The following MDN1 variants were observed in gnomAD, a reference collection of about 807,000 sequenced individuals.
MDN1 encodes midasin.
MDN1 carries 266 observed loss-of-function variants against 669.2 expected under a neutral mutation model. The observed-to-expected ratio is 0.40, with a 90% CI of 0.36 to 0.44. The LOEUF (loss-of-function observed/expected upper bound fraction) is 0.44. Ranked by LOEUF, MDN1 falls within the 20% of genes least tolerant of loss-of-function variation. The pLI, the probability that MDN1 is intolerant of heterozygous loss-of-function variation, is 1.00. For synonymous variants in MDN1, 2,385 were observed against 2,457.1 expected, an observed-to-expected ratio of 0.97 and a Z score of 0.87; for missense variants, 5,940 against 6,754.0, an observed-to-expected ratio of 0.88 and a Z score of 4.22.
intron 61 of MDN1, 115 bp from the exon 62 acceptor site, chr6:89,694,298 G>A (rs1364438259): frequency 2.5e-6 from 2 of 803,420 alleles, no homozygotes; most frequent in Non-Finnish European, 4.2e-6. Flanking sequence ...GTTCCTGAAT[G>A]ACCCAAGGAG....
intron 8 of MDN1, among the ~76,000 whole-genome samples, chr6:89,786,812 C>T (rs1267376966): frequency 1.3e-5 from 2 of 150,546 alleles, no homozygotes; most frequent in African/African-American, 4.9e-5. Flanking sequence ...GTAATCCCAG[C>T]TACCTGGCAG....
intron 40 of MDN1, among the ~76,000 whole-genome samples, chr6:89,720,973 A>G (rs2128313488): frequency 6.6e-6 from 1 of 152,288 alleles, no homozygotes; most frequent in East Asian, 1.9e-4. Context: ...CATCTCTATT[A>G]AAAGTAAAAA....
Position 89,671,075 on chromosome 6 carries a change from G to A in MDN1, c.13800C>T (p.Phe4600=), listed in dbSNP as rs972619296. ...EDGTAAKHLF[F]SQSCSLLVRL... is the part of the protein sequence containing the mutation. ...GCACCAGCAAGGAACAGGATTGGCT[G>A]AAGAACTGAGACCAAAACAAAACAA... is the stretch of plus-strand genomic sequence containing the variant. The change falls in exon 83 of 102, where the codon TTC becomes TTT. Residue 4600 remains phenylalanine, a synonymous_variant. Transcript: ENST00000369393. 2.5e-6 allele frequency: 4 copies of A among 1,613,432 alleles called. No homozygotes were observed. The African/African-American group carries it at 5.3e-5, about 22-fold the overall frequency.
At chr6:89,776,470 A>G in intron 12 of MDN1, 130 bp downstream of exon 12, 1 of 653,342 alleles carries the variant, frequency 1.5e-6, no homozygotes, top group Non-Finnish European at 2.6e-6. Flanking sequence ...GGCTGCAATA[A>G]AAGCACCAAC....
At chr6:89,797,408 A>T (rs1387908562) in intron 2 of MDN1, among the ~76,000 whole-genome samples, 1 of 152,008 alleles carries the variant, frequency 6.6e-6, no homozygotes, top group African/African-American at 2.4e-5. Context: ...ATCTTAAAAA[A>T]TTGTGTACAA....
At chr6:89,802,751 C>T (rs1235848338) in intron 2 of MDN1, among the ~76,000 whole-genome samples, 2 of 152,064 alleles carry the variant, frequency 1.3e-5, no homozygotes, top group Non-Finnish European at 2.9e-5. Flanking sequence ...ATCATTTTTA[C>T]AGTGAAAGTT....
chr6:89,665,025 A>C (rs1441871403), intron 84 of MDN1, among the ~76,000 whole-genome samples: 1 of 152,082 alleles, frequency 6.6e-6, no homozygotes, highest in African/African-American at 2.4e-5. Flanking sequence ...TTTCTTCTAT[A>C]AAAAATTATT....
At position 89,645,140 on chromosome 6, in the gene MDN1, G is replaced by C; in HGVS notation, c.16477C>G (p.Leu5493Val). The part of the protein sequence containing the change: ...NISSETAQLL[L>V]VVSDGRGLFL... ...AGGCCTCGCCCATCAGAGACTACCA[G>C]GAGGAGTTGTGCAGTTTCTGTAGAC... Residue 5493 changes from leucine (L) to valine (V), a missense_variant, in exon 101 of 102, where the codon CTG (leucine) becomes GTG (valine). Transcript: ENST00000369393. The C allele has an allele frequency of 6.2e-7, 1 of 1,607,072 alleles. No individual in the cohort carries two copies. The highest frequency in any genetic ancestry group is 1.1e-5 in the South Asian group (1 of 90,902).
chr6:89,650,610 G>A (rs1808781928), intron 96 of MDN1, 122 bp downstream of exon 96: 1 of 718,810 alleles, frequency 1.4e-6, no homozygotes, highest in East Asian at 2.6e-5. Context: ...ACTGGTGCCT[G>A]TACGGCACAA....
At chr6:89,682,115 T>G (rs1056422350) in intron 73 of MDN1, among the ~76,000 whole-genome samples, 1 of 152,208 alleles carries the variant, frequency 6.6e-6, no homozygotes, top group African/African-American at 2.4e-5. Context: ...GTGCTTGAAA[T>G]TGGCCATAAT....
At chr6:89,812,231 A>G (rs183690798) in intron 1 of MDN1, among the ~76,000 whole-genome samples, 389 of 151,850 alleles carry the variant, frequency 2.6e-3, no homozygotes, top group Non-Finnish European at 4.5e-3. Flanking sequence ...TGATTCGCCC[A>G]CCTTGGCCCC....
At chr6:89,644,863 C>T in intron 101 of MDN1, 152 bp downstream of exon 101, 1 of 772,644 alleles carries the variant, frequency 1.3e-6, no homozygotes, top group Non-Finnish European at 2.0e-6. Context: ...AGAGAAAATA[C>T]TTACAAGTGC....
chr6:89,799,365 A>T (rs1279373920), intron 2 of MDN1, among the ~76,000 whole-genome samples: 1 of 152,280 alleles, frequency 6.6e-6, no homozygotes, highest in Non-Finnish European at 1.5e-5. Context: ...GCTAAAATGC[A>T]ATCCAAATAA....
intron 22 of MDN1, among the ~76,000 whole-genome samples, chr6:89,753,132 A>C (rs1031475684): frequency 3.3e-5 from 5 of 152,094 alleles, no homozygotes; most frequent in South Asian, 4.2e-4. Flanking sequence ...GCAAAAAAAA[A>C]CAAAACAAAA....
At chr6:89,727,282 C>A (rs1337603486) in intron 37 of MDN1, among the ~76,000 whole-genome samples, 1 of 152,186 alleles carries the variant, frequency 6.6e-6, no homozygotes, top group South Asian at 2.1e-4. Context: ...TTCAGCTCCA[C>A]AAATATTTCT....
Position 89,648,081 on chromosome 6 carries a change from T to G in MDN1, c.16346A>C (p.Gln5449Pro), listed in dbSNP as rs1317632344. 3.1e-6 allele frequency: 5 copies of G among 1,614,216 alleles called. No individual in the cohort carries two copies. The East Asian group carries it at 1.1e-4, about 36-fold the overall frequency. Residue 5449 changes from glutamine (Q) to proline (P), a missense_variant, in exon 99 of 102, where the codon CAG becomes CCG. This residue lies in a region of MDN1 where 2,280 missense variants were observed against 2,576.3 expected (regional missense o/e 0.88). Transcript: ENST00000369393. ...TTGGAATTTGCAGAGACGTAGAATC[T>G]GGGACCCAGAGTAATCACTGAACTG... is the stretch of plus-strand genomic sequence containing the variant. ...HEQFSDYSGS[Q>P]ILRLCKFQQK...
At chr6:89,645,923 T>C (rs1808462836) in intron 100 of MDN1, among the ~76,000 whole-genome samples, 1 of 152,214 alleles carries the variant, frequency 6.6e-6, no homozygotes, top group South Asian at 2.1e-4. Flanking sequence ...AAAGTAAATG[T>C]GGTTGGATTA....
At position 89,771,021 on chromosome 6, in the gene MDN1, G is replaced by T. The variant is rs542762203; in HGVS notation, c.2144+540C>A. On this transcript the variant is annotated intron_variant, in intron 15 of 101. Coordinates refer to ENST00000369393, the MANE Select transcript of MDN1 (RefSeq NM_014611.3). ...GGGGTAAGGTGCAATCTTGCTCAAG[G>T]TGCCTTAGAGAGACTAAGATGAGCA... is the stretch of plus-strand genomic sequence containing the variant. 1.1e-4 allele frequency among the ~76,000 whole-genome samples: 17 copies of T among 152,170 alleles called. 1 individual carries two copies. Among genetic ancestry groups the T allele is most frequent in the Non-Finnish European group, 2.2e-4 (15 of 68,006 alleles).
At chr6:89,762,214 C>T in intron 16 of MDN1, 105 bp downstream of exon 16, 1 of 968,188 alleles carries the variant, frequency 1.0e-6, no homozygotes, top group Non-Finnish European at 1.6e-6. Context: ...TGCCAAAGTC[C>T]TAGAAAGCTC....
Sources: allele counts gnomAD v4.1 joint callset (sites outside exome capture counted in the v4.1 genomes callset), GRCh38; gene constraint gnomAD v4.1.1; regional missense constraint gnomAD v4.1.1; transcripts MANE v1.5; gene names NCBI Gene and HGNC (gene_info 2026-07-23, HGNC 2026-07-21).